CAMKK2: variants seen among roughly 807,000 people sequenced by gnomAD.
CAMKK2 encodes the protein calcium/calmodulin dependent protein kinase kinase 2.
CAMKK2 carries 30 observed loss-of-function variants against 67.2 expected under a neutral mutation model. That is an observed-to-expected ratio of 0.45 (90% CI 0.33 to 0.61). The LOEUF (loss-of-function observed/expected upper bound fraction) is 0.61. CAMKK2 is among the 20% of genes least tolerant of loss of function. The pLI, the probability that CAMKK2 is intolerant of heterozygous loss-of-function variation, is 0.02. For missense variants in CAMKK2, 643 were observed against 802.0 expected (o/e 0.80, Z 2.39); for synonymous variants, 322 against 326.2 (o/e 0.99, Z 0.14).
chr12:121,264,913 A>G (rs1894224916), intron 5 of CAMKK2, among the ~76,000 whole-genome samples: 1 of 151,964 alleles, frequency 6.6e-6, no homozygotes, highest in Non-Finnish European at 1.5e-5. Context: ...TCAAGCCTGC[A>G]GTGAGAAGTG....
In CAMKK2 at chr12:121,274,282, G is replaced by C; in HGVS notation, c.245C>G (p.Pro82Arg). The C allele has an allele frequency of 6.2e-7, 1 of 1,612,288 alleles. No individual in the cohort carries two copies. The highest frequency in any genetic ancestry group is 8.5e-7 in the Non-Finnish European group (1 of 1,179,088). The change falls in exon 2 of 17, where the codon CCC (proline) becomes CGC (arginine). Residue 82 changes from proline (P) to arginine (R), a missense_variant. Transcript: ENST00000404169. ...RPLEADGQEV[P>R]LDTSGSQARP... ...GGCCTGGGACCCGGAGGTGTCAAGG[G>C]GGACCTCTTGGCCATCGGCCTCCAG...
chr12:121,246,257 G>C (rs554194717), intron 14 of CAMKK2, among the ~76,000 whole-genome samples: 57 of 150,510 alleles, frequency 3.8e-4, no homozygotes, highest in South Asian at 1.5e-3. Flanking sequence ...AAGGAGCGGG[G>C]GGGGGGAGGC....
rs1359884012 is a variant in CAMKK2, at chr12:121,274,272, G to A, written c.255C>T (p.Thr85=). The A allele has an allele frequency of 1.2e-6, 2 of 1,612,144 alleles. No individual in the cohort carries two copies. Among genetic ancestry groups the A allele is most frequent in the East Asian group, 2.2e-5 (1 of 44,844 alleles). Residue 85 remains threonine, a synonymous_variant, in exon 2 of 17, where the codon ACC becomes ACT. Coordinates refer to ENST00000404169, the MANE Select transcript of CAMKK2 (RefSeq NM_001270485.2). Reference sequence around the variant, plus strand: ...GGTGGGGCCGGGCCTGGGACCCGGAGGTGTCAAGGGGGACCTCTTGGCCAT... The same window carrying A: ...GGTGGGGCCGGGCCTGGGACCCGGAAGTGTCAAGGGGGACCTCTTGGCCAT... ...EADGQEVPLD[T]SGSQARPHLS...
intron 1 of CAMKK2, among the ~76,000 whole-genome samples, chr12:121,295,094 C>T (rs1338957824): frequency 6.6e-6 from 1 of 152,244 alleles, no homozygotes; most frequent in Admixed American, 6.5e-5. Flanking sequence ...CGCTTGAACC[C>T]GGGAGGCGGA....
intron 6 of CAMKK2, 107 bp from the exon 7 acceptor site, chr12:121,260,462 C>T: frequency 2.1e-6 from 2 of 961,448 alleles, no homozygotes; most frequent in Admixed American, 2.1e-5. Flanking sequence ...CGTTTGCCAA[C>T]AGGAGGGCTG....
chr12:121,244,449 G>A (rs894782106), intron 16 of CAMKK2, 124 bp downstream of exon 16: 23 of 944,728 alleles, frequency 2.4e-5, no homozygotes, highest in Middle Eastern at 6.5e-4. Flanking sequence ...GCGGTGAGCC[G>A]GGCCACAGCA....
intron 16 of CAMKK2, among the ~76,000 whole-genome samples, chr12:121,242,508 C>T (rs1447512254): frequency 1.3e-5 from 2 of 152,308 alleles, no homozygotes; most frequent in East Asian, 1.9e-4. Context: ...CTCCATCATC[C>T]GTGAGGCTCA....
At chr12:121,258,497 T>C (rs771324047) in intron 7 of CAMKK2, among the ~76,000 whole-genome samples, 1 of 152,160 alleles carries the variant, frequency 6.6e-6, no homozygotes, top group Non-Finnish European at 1.5e-5. Flanking sequence ...GCACCTGGAC[T>C]GAGTTTTCTG....
chr12:121,242,028 A>G (rs1426385355), intron 16 of CAMKK2, among the ~76,000 whole-genome samples: 1 of 152,198 alleles, frequency 6.6e-6, no homozygotes, highest in Non-Finnish European at 1.5e-5. Flanking sequence ...GTGTCTTGCA[A>G]TTTTGATCTC....
chr12:121,255,382 T>TTA (rs10669483), intron 9 of CAMKK2, among the ~76,000 whole-genome samples, 168 bp downstream of exon 9: 11,958 of 29,970 alleles, frequency 0.4, 4,119 homozygotes, highest in Non-Finnish European at 0.44. Context: ...ATATATAATT[T>TTA]TATATATATA....
Position 121,253,157 on chromosome 12 carries a change from T to C in CAMKK2, c.1107+116A>G. On this transcript the variant is annotated intron_variant, in intron 10 of 16. Transcript: ENST00000404169. The surrounding 1 kb of genome is among the most constrained non-coding windows in gnomAD (Gnocchi z 5.0). ...GCCAAGCCTGAAGCCTACCCCTCAGTATCTTGATCCAGGGGATTCACTGTT... is the reference window on the plus strand; with the variant it reads ...GCCAAGCCTGAAGCCTACCCCTCAGCATCTTGATCCAGGGGATTCACTGTT... 1.2e-6 allele frequency: 1 copy of C among 853,622 alleles called. No homozygotes were observed. Among genetic ancestry groups the C allele is most frequent in the Non-Finnish European group, 1.9e-6 (1 of 526,838 alleles). The allele number at this position is 853,622 out of a possible 1,614,324, so 52.9% of individuals were successfully genotyped here.
intron 5 of CAMKK2, among the ~76,000 whole-genome samples, chr12:121,266,832 A>C (rs999400229): frequency 1.3e-5 from 2 of 151,750 alleles, no homozygotes; most frequent in Non-Finnish European, 2.9e-5. Flanking sequence ...CCAAGCTGAC[A>C]TTTTGCCCAG....
rs1893984208 is a variant in CAMKK2 at position 121,263,912 on chromosome 12, G to A, written c.653C>T (p.Pro218Leu). Reference sequence around the variant, plus strand: ...GGGCTGGATGCAGCCTCCAGGAGCTGGCCGGGTGCCTCGGGGTGGAGGGCG... The same window carrying A: ...GGGCTGGATGCAGCCTCCAGGAGCTAGCCGGGTGCCTCGGGGTGGAGGGCG... ...PRRPPPRGTR[P>L]APGGCIQPRG... Residue 218 changes from proline to leucine, a missense_variant, in exon 6 of 17, where the codon CCA becomes CTA. By Grantham distance (98) the Pro-to-Leu change is moderately conservative (BLOSUM62 -3). Around this residue, in one of 3 missense-constraint regions of CAMKK2, gnomAD observed 483 missense variants for 625.8 expected, o/e 0.77. Transcript: ENST00000404169. The A allele has an allele frequency of 6.2e-7, 1 of 1,608,330 alleles. No homozygotes were observed. Among genetic ancestry groups the A allele is most frequent in the African/African-American group, 1.3e-5 (1 of 74,902 alleles).
At position 121,240,364 on chromosome 12, in the gene CAMKK2, T is replaced by C; in HGVS notation, c.*335A>G. ...TCAAACCCCACACACAGTCACTTGG[T>C]ATATCTGACGTGGTTCTGAAAATCA... On this transcript the variant is annotated 3_prime_UTR_variant, in exon 17 of 17. Transcript: ENST00000404169. The surrounding 1 kb of genome is among the most constrained non-coding windows in gnomAD (Gnocchi z 4.4). 1 of 1,340,186 alleles carries C rather than the reference T, an allele frequency of 7.5e-7. No individual in the cohort carries two copies. The highest frequency in any genetic ancestry group is 1.0e-6 in the Non-Finnish European group (1 of 984,368). The allele number at this position is 1,340,186 out of a possible 1,614,324, so 83.0% of individuals were successfully genotyped here.
intron 1 of CAMKK2, among the ~76,000 whole-genome samples, chr12:121,287,289 C>T (rs1018821238): frequency 2.0e-5 from 3 of 152,192 alleles, no homozygotes; most frequent in South Asian, 2.1e-4. Context: ...AGCCCTTGTC[C>T]ATATGCATCA....
intron 1 of CAMKK2, among the ~76,000 whole-genome samples, chr12:121,286,700 C>T (rs1274210950): frequency 1.3e-5 from 2 of 152,006 alleles, no homozygotes; most frequent in Non-Finnish European, 2.9e-5. Context: ...CGCACCACTA[C>T]GCCTGGCTAA....
At chr12:121,270,976 G>T (rs752298060) in intron 2 of CAMKK2, 31 bp from the exon 3 acceptor site, 29 of 1,600,758 alleles carry the variant, frequency 1.8e-5, no homozygotes, top group Non-Finnish European at 2.4e-5. Context: ...CGTGCAAAAT[G>T]AATTTTAAGT....
At chr12:121,242,091 G>A (rs1435920693) in intron 16 of CAMKK2, among the ~76,000 whole-genome samples, 1 of 152,212 alleles carries the variant, frequency 6.6e-6, no homozygotes. Context: ...CAGTACTTTG[G>A]GAGGCTGAGG....
chr12:121,287,359 C>T (rs1177746914), intron 1 of CAMKK2, among the ~76,000 whole-genome samples: 1 of 152,168 alleles, frequency 6.6e-6, no homozygotes, highest in African/African-American at 2.4e-5. Context: ...TTCCATGTGT[C>T]ATAAGAGCAC....
Sources: gnomAD v4.1 joint callset for allele counts (sites outside exome capture counted in the v4.1 genomes callset) on GRCh38, gnomAD v4.1.1 for gene constraint, gnomAD v4.1.1 regional missense constraint, Gnocchi (gnomAD v3.1) non-coding constraint, MANE v1.5 for transcripts, NCBI Gene and HGNC (gene_info 2026-07-23, HGNC 2026-07-21) for gene names.